The following TDRD7 variants were observed in gnomAD, a reference collection of about 807,000 sequenced individuals.
The protein encoded by TDRD7 is tudor domain containing 7.
TDRD7 carries 47 observed loss-of-function variants against 109.8 expected under a neutral mutation model. The observed-to-expected ratio is 0.43, with a 90% CI of 0.34 to 0.55. The LOEUF is 0.55. Among genes scored for constraint, TDRD7 ranks in the 20% least tolerant of loss-of-function variants. The pLI is 0.03. For missense variants in TDRD7, 1,164 were observed against 1,319.2 expected, an observed-to-expected ratio of 0.88 and a Z score of 1.82; for synonymous variants, 424 against 457.3, an observed-to-expected ratio of 0.93 and a Z score of 0.93.
chr9:97,478,586 C>T lies in TDRD7; in HGVS notation c.2301+13C>T. The T allele has an allele frequency of 6.2e-7, 1 of 1,613,624 alleles. No homozygotes were observed. The highest frequency in any genetic ancestry group is 8.5e-7 in the Non-Finnish European group (1 of 1,179,694). The stretch of plus-strand genomic sequence containing the variant: ...AATACCACCTCAGGTACTATGTTAC[C>T]AGCCTGGGAGATTTGCTGGAACAGA... On this transcript the variant is annotated intron_variant, in intron 13 of 16. Coordinates refer to ENST00000355295, the MANE Select transcript of TDRD7 (RefSeq NM_014290.3).
At chr9:97,472,209 T>C in intron 9 of TDRD7, 84 bp from the exon 10 acceptor site, 1 of 1,234,442 alleles carries the variant, frequency 8.1e-7, no homozygotes, top group Middle Eastern at 1.9e-4. Context: ...ATTTTAATAA[T>C]GGTCAAAACA....
At chr9:97,494,856 A>G (rs1829370337) in intron 16 of TDRD7, among the ~76,000 whole-genome samples, 1 of 151,716 alleles carries the variant, frequency 6.6e-6, no homozygotes, top group East Asian at 1.9e-4. Context: ...GACTATAGGC[A>G]CAGGCCATTA....
intron 2 of TDRD7, among the ~76,000 whole-genome samples, 162 bp downstream of exon 2, chr9:97,428,834 A>G (rs2118283350): frequency 6.6e-6 from 1 of 152,240 alleles, no homozygotes; most frequent in East Asian, 1.9e-4. Context: ...CACAGCCTAC[A>G]TTCTTATGTC....
chr9:97,491,520 G>C (rs988641453), intron 16 of TDRD7, among the ~76,000 whole-genome samples: 2 of 152,188 alleles, frequency 1.3e-5, no homozygotes, highest in Non-Finnish European at 2.9e-5. Flanking sequence ...TAAGGCTTTT[G>C]TAATGTAGCA....
chr9:97,463,354 A>T (rs1828762165), intron 7 of TDRD7, among the ~76,000 whole-genome samples: 1 of 149,034 alleles, frequency 6.7e-6, no homozygotes, highest in African/African-American at 2.5e-5. Flanking sequence ...CATGGTTTCC[A>T]TTTTGTGTAG....
At chr9:97,471,416 C>A (rs1828909801) in intron 9 of TDRD7, among the ~76,000 whole-genome samples, 1 of 152,040 alleles carries the variant, frequency 6.6e-6, no homozygotes, top group Admixed American at 6.6e-5. Flanking sequence ...TGAGATTAAC[C>A]TGAAGAAATT....
rs1828692439 is a variant in TDRD7 at position 97,460,451 on chromosome 9, G to A, written c.1129G>A (p.Ala377Thr). 1.2e-6 allele frequency: 2 copies of A among 1,614,092 alleles called. No homozygotes were observed. The highest frequency in any genetic ancestry group is 1.7e-5 in the Admixed American group (1 of 60,000). ...GTACAAAGTGAAATTCCCTGAGGAT[G>A]CCTTAAAAAATCTTGCCTCACTTTC... ...EMYKVKFPED[A>T]LKNLASLSDV... is the part of the protein sequence containing the mutation. The change falls in exon 7 of 17, where the codon GCC becomes ACC. Residue 377 changes from alanine to threonine, a missense_variant. Transcript: ENST00000355295.
intron 4 of TDRD7, among the ~76,000 whole-genome samples, chr9:97,435,629 C>G (rs1828182323): frequency 2.9e-5 from 1 of 34,430 alleles, no homozygotes; most frequent in East Asian, 9.7e-4. Flanking sequence ...GGGTAAGACC[C>G]TCTTAAAAAA....
Position 97,461,810 on chromosome 9 carries a change from G to T in TDRD7, c.1442+1046G>T, listed in dbSNP as rs892110951. ...GCTCCTTCAACCAAATGGTCCTTTG[G>T]TTTGGGCTGTCCCTCCTCCAGAGAC... On this transcript the variant is annotated intron_variant, in intron 7 of 16. Transcript: ENST00000355295. Among the ~76,000 whole-genome samples the T allele has an allele frequency of 4.6e-5, 7 of 152,340 alleles. No homozygotes were observed. The South Asian group carries it at 6.2e-4, about 14-fold the overall frequency.
chr9:97,478,006 C>T (rs1038777486), intron 12 of TDRD7, among the ~76,000 whole-genome samples: 1 of 152,122 alleles, frequency 6.6e-6, no homozygotes, highest in African/African-American at 2.4e-5. Context: ...CACCTGTAAT[C>T]GTAGCACTTG....
chr9:97,428,092 C>T (rs1296309917), intron 1 of TDRD7, among the ~76,000 whole-genome samples: 2 of 152,146 alleles, frequency 1.3e-5, no homozygotes, highest in Non-Finnish European at 2.9e-5. Context: ...TCTCTCACCT[C>T]TGTGCACTCG....
chr9:97,423,444 G>A (rs1366427501), intron 1 of TDRD7, among the ~76,000 whole-genome samples: 2 of 148,774 alleles, frequency 1.3e-5, no homozygotes, highest in African/African-American at 2.5e-5. Flanking sequence ...TTTTATTGAT[G>A]GTTTGAAAAC....
chr9:97,479,153 C>T (rs537452343), intron 13 of TDRD7, among the ~76,000 whole-genome samples: 9 of 152,116 alleles, frequency 5.9e-5, no homozygotes, highest in Admixed American at 3.9e-4. Context: ...TAAAACAATG[C>T]GGTATTCTAC....
rs1297011324 is a variant in TDRD7, at chr9:97,482,833, T to G, written c.2413-16T>G. ...TGAACTTGTATTTCTTATATCATTT[T>G]TTGTGTTTTCCAAAGGTTACAAAAG... is the stretch of plus-strand genomic sequence containing the variant. On this transcript the variant is annotated splice_polypyrimidine_tract_variant and intron_variant, in intron 14 of 16. Transcript: ENST00000355295. The G allele has an allele frequency of 1.2e-6, 2 of 1,613,054 alleles. No homozygotes were observed. The highest frequency in any genetic ancestry group is 1.3e-5 in the African/African-American group (1 of 74,886).
At chr9:97,430,698 A>G (rs1267072868) in intron 2 of TDRD7, among the ~76,000 whole-genome samples, 1 of 152,226 alleles carries the variant, frequency 6.6e-6, no homozygotes, top group Non-Finnish European at 1.5e-5. Context: ...CCTATTTAAA[A>G]ATAAATGGAA....
intron 1 of TDRD7, among the ~76,000 whole-genome samples, chr9:97,424,821 G>A (rs919323946): frequency 6.6e-6 from 1 of 151,806 alleles, no homozygotes; most frequent in Non-Finnish European, 1.5e-5. Context: ...CTGCCATTTT[G>A]CTGGATGTTT....
Position 97,460,280 on chromosome 9 carries a change from C to T in TDRD7, c.958C>T (p.Pro320Ser), listed in dbSNP as rs1828687487. ...ELDTEKVPLS[P>S]LPGPKQTPPL... Reference sequence around the variant, plus strand: ...GGATACTGAGAAAGTACCTCTATCCCCACTACCTGGTCCCAAACAAACACC... The same window carrying T: ...GGATACTGAGAAAGTACCTCTATCCTCACTACCTGGTCCCAAACAAACACC... The change falls in exon 7 of 17, where the codon CCA (proline) becomes TCA (serine). Residue 320 changes from proline to serine, a missense_variant. Pro to Ser is a moderately conservative substitution (Grantham distance 74). This residue lies in a region of TDRD7 where 407 missense variants were observed against 394.0 expected (regional missense o/e 1.03). Transcript: ENST00000355295. The T allele has an allele frequency of 6.2e-7, 1 of 1,614,212 alleles. No homozygotes were observed. Among genetic ancestry groups the T allele is most frequent in the Non-Finnish European group, 8.5e-7 (1 of 1,180,036 alleles).
At chr9:97,414,902 G>A (rs1466130045) in intron 1 of TDRD7, among the ~76,000 whole-genome samples, 1 of 152,142 alleles carries the variant, frequency 6.6e-6, no homozygotes, top group Non-Finnish European at 1.5e-5. Context: ...TCCCTCTGAG[G>A]CTCAGTTTAT....
intron 6 of TDRD7, among the ~76,000 whole-genome samples, chr9:97,454,540 A>T (rs1310111656): frequency 6.6e-6 from 1 of 152,224 alleles, no homozygotes; most frequent in Non-Finnish European, 1.5e-5. Context: ...ACTCACTTAA[A>T]ACCACACAAT....
Sources: allele counts gnomAD v4.1 joint callset (sites outside exome capture counted in the v4.1 genomes callset), GRCh38; gene constraint gnomAD v4.1.1; regional missense constraint gnomAD v4.1.1; transcripts MANE v1.5; gene names NCBI Gene and HGNC (gene_info 2026-07-23, HGNC 2026-07-21).